PRCD: variants seen among roughly 807,000 people sequenced by gnomAD.
PRCD encodes the protein photoreceptor disc component, also known as photoreceptor disk component PRCD.
A neutral mutation model predicts 10.1 loss-of-function variants in PRCD; 12 were observed. The observed-to-expected ratio is 1.18, with a 90% CI of 0.76 to 1.92. PRCD has a LOEUF of 1.92. PRCD is among the 40% of genes most tolerant of loss of function. PRCD has a pLI of 0.00. For missense variants in PRCD, 61 were observed against 72.2 expected (o/e 0.84, Z 0.56); for synonymous variants, 31 against 26.2 (o/e 1.18, Z -0.56).
rs1190150343 is a variant in PRCD, at chr17:76,531,167, A to G, written n.45+3334A>G. ...TCTGGGGGCAAAGGGAGGAAGGGGG[A>G]GTGAACGCCCGGGCGCCCTGCGTCC... On this transcript the variant is annotated intron_variant and non_coding_transcript_variant, in intron 1 of 4. Transcript: ENST00000397633. The surrounding 1 kb of genome is among the most constrained non-coding windows in gnomAD (Gnocchi z 7.4). 1.2e-6 allele frequency: 2 copies of G among 1,604,478 alleles called. No homozygotes were observed. Among genetic ancestry groups the G allele is most frequent in the Non-Finnish European group, 1.7e-6 (2 of 1,173,828 alleles).
chr17:76,541,472 A>C (rs961840278), intron 2 of PRCD, among the ~76,000 whole-genome samples: 1 of 152,158 alleles, frequency 6.6e-6, no homozygotes, highest in Non-Finnish European at 1.5e-5. Flanking sequence ...ACCTGCCAGC[A>C]ATGTGTCCCT....
At chr17:76,545,957 T>C (rs1598217123), downstream of PRCD, 1 of 157,962 alleles carries the variant, frequency 6.3e-6, no homozygotes, top group South Asian at 1.8e-4. Flanking sequence ...ATTGCTGGGG[T>C]GGGGAAGCCC....
At chr17:76,537,616 C>T (rs535258008), upstream of PRCD, 1,606 of 994,632 alleles carry the variant, frequency 1.6e-3, 23 homozygotes, top group African/African-American at 0.027. Context: ...GCGCGGGGCG[C>T]CGGGAGCCGG....
chr17:76,540,373 G>C lies in PRCD; in HGVS notation c.75-132G>C. ...CTTGAGAGAGCACAGTCTCAGAGCA[G>C]GGGGACTTAGAGCTTCAAAGGCTCT... On this transcript the variant is annotated intron_variant, in intron 1 of 4. Transcript: ENST00000592014. This position sits in a 1 kb window ranked among gnomAD's most constrained non-coding sequence, Gnocchi z 5.0. 7.7e-7 allele frequency: 1 copy of C among 1,294,470 alleles called. No homozygotes were observed. 80.2% of individuals were successfully genotyped at this position (1,294,470 alleles called of 1,614,324 possible). A position where few individuals can be genotyped will look rare whatever the true frequency, so the allele number is the denominator to read the frequency against.
At position 76,530,144 on chromosome 17, in the gene PRCD, G is replaced by GTT; in HGVS notation, n.45+2312_45+2313insTT. 12 of 950,200 alleles carry GTT rather than the reference G, an allele frequency of 1.3e-5. No homozygotes were observed. The highest frequency in any genetic ancestry group is 1.4e-5 in the Non-Finnish European group (11 of 797,706). The allele number at this position is 950,200 out of a possible 1,614,324, so 58.9% of individuals were successfully genotyped here. A position where few individuals can be genotyped will look rare whatever the true frequency, so the allele number is the denominator to read the frequency against. On this transcript the variant is annotated intron_variant and non_coding_transcript_variant, in intron 1 of 4. Transcript: ENST00000397633. This position sits in a 1 kb window ranked among gnomAD's most constrained non-coding sequence, Gnocchi z 6.1. Reference sequence around the variant, plus strand: ...ACGGGAATGTTTCTCTACCACGCGTGTCCCGGGCTGCTGGCTGACCTCTGC... The same window carrying GTT: ...ACGGGAATGTTTCTCTACCACGCGTGTTTCCCGGGCTGCTGGCTGACCTCTGC...
chr17:76,548,023 C>T (rs2075071909), downstream of PRCD, among the ~76,000 whole-genome samples: 1 of 151,964 alleles, frequency 6.6e-6, no homozygotes. Flanking sequence ...CACATGCATA[C>T]ACAGACATAC....
chr17:76,536,344 A>T (rs187628301), upstream of PRCD, among the ~76,000 whole-genome samples: 9 of 152,282 alleles, frequency 5.9e-5, no homozygotes, highest in East Asian at 1.4e-3. Flanking sequence ...GTAGTCAAGG[A>T]TGCACTAAAG....
At chr17:76,538,779 C>G (rs1171540170), upstream of PRCD, among the ~76,000 whole-genome samples, 1 of 152,242 alleles carries the variant, frequency 6.6e-6, no homozygotes, top group Admixed American at 6.5e-5. Context: ...CTGCTCAGTC[C>G]TGGGGACAGC....
Position 76,541,555 on chromosome 17 carries a change from G to A in PRCD, c.143+982G>A, listed in dbSNP as rs2074993871. On this transcript the variant is annotated intron_variant, in intron 2 of 4. Coordinates refer to ENST00000592014, the MANE Select transcript of PRCD (RefSeq NM_001077620.3). Reference sequence around the variant, plus strand: ...CCTGTCGTCTGAGTCCTGGGATTCTGAGTCCTGAGATTCTGATGATCAGAA... The same window carrying A: ...CCTGTCGTCTGAGTCCTGGGATTCTAAGTCCTGAGATTCTGATGATCAGAA... 3.9e-5 allele frequency among the ~76,000 whole-genome samples: 6 copies of A among 152,166 alleles called. No homozygotes were observed. In the South Asian group the frequency reaches 1.2e-3, roughly 32 times the overall value.
upstream of PRCD, chr17:76,527,681 G>A (rs368573867): frequency 4.1e-3 from 1,848 of 453,994 alleles, 24 homozygotes; most frequent in African/African-American, 0.034. Flanking sequence ...TGGTCCCGCC[G>A]ACCTGCTGCC....
chr17:76,547,324 G>A (rs1453661108), downstream of PRCD: 6 of 152,590 alleles, frequency 3.9e-5, no homozygotes, highest in Admixed American at 6.5e-5. Flanking sequence ...AGGGCCCTGG[G>A]GAGAGGACAG....
At chr17:76,552,341 C>G (rs951020264) in intron 1 of PRCD, 1 of 150,954 alleles carries the variant, frequency 6.6e-6, no homozygotes, top group Non-Finnish European at 1.5e-5. Flanking sequence ...ACTACAGGCA[C>G]CCGCCACCAC....
downstream of PRCD, among the ~76,000 whole-genome samples, chr17:76,549,463 G>T (rs2075086643): frequency 6.6e-6 from 1 of 152,244 alleles, no homozygotes; most frequent in African/African-American, 2.4e-5. Flanking sequence ...AGTGGTTACA[G>T]CTGAAGGCCG....
chr17:76,550,381 C>G (rs547835572), intron 1 of PRCD: 2 of 152,156 alleles, frequency 1.3e-5, no homozygotes, highest in Admixed American at 6.5e-5. Flanking sequence ...CTGCCTCAGC[C>G]TCCTGAGTAG....
At position 76,528,286 on chromosome 17, in the gene PRCD, T is replaced by G. The variant is rs2074790482; in HGVS notation, n.45+453T>G. ...ATTCCCTAAGGGACTCCTAGACCTG[T>G]CCCGCTTCCTGCCAGCCGCTCAGCT... On this transcript the variant is annotated intron_variant and non_coding_transcript_variant, in intron 1 of 4. Transcript: ENST00000397633. This position sits in a 1 kb window ranked among gnomAD's most constrained non-coding sequence, Gnocchi z 5.8. The G allele has an allele frequency of 5.0e-6, 2 of 400,154 alleles. No individual in the cohort carries two copies. Among genetic ancestry groups the G allele is most frequent in the Non-Finnish European group, 8.8e-6 (2 of 226,942 alleles). 24.8% of individuals were successfully genotyped at this position (400,154 alleles called of 1,614,324 possible).
At chr17:76,537,468 CT>C, upstream of PRCD, 1 of 1,596,904 alleles carries the variant, frequency 6.3e-7, no homozygotes, top group Non-Finnish European at 8.5e-7. Context: ...CCTGCACCGC[CT>C]TCCTCTCCGC....
rs1177295031 is a variant in PRCD at position 76,528,132 on chromosome 17, GTA to G, written n.45+309_45+310del. The G allele has an allele frequency of 2.7e-5, 9 of 333,634 alleles. No individual in the cohort carries two copies. Among genetic ancestry groups the G allele is most frequent in the African/African-American group, 1.3e-4 (6 of 46,634 alleles). 20.7% of individuals were successfully genotyped at this position (333,634 alleles called of 1,614,324 possible). A position where few individuals can be genotyped will look rare whatever the true frequency, so the allele number is the denominator to read the frequency against. On this transcript the variant is annotated intron_variant and non_coding_transcript_variant, in intron 1 of 4. Transcript: ENST00000397633. The surrounding 1 kb of genome is among the most constrained non-coding windows in gnomAD (Gnocchi z 5.8). ...GATATGTATGTGTGTATATATATATGTATATATATATTTATATATAGCTCGTA... is the reference window on the plus strand; with the variant it reads ...GATATGTATGTGTGTATATATATATGTATATATATTTATATATAGCTCGTA...
At chr17:76,539,934 G>A (rs573314341), upstream of PRCD, 129 of 607,970 alleles carry the variant, frequency 2.1e-4, no homozygotes, top group African/African-American at 2.2e-3. Context: ...CCTACCGCTG[G>A]AGGGGAGAAC....
chr17:76,548,872 C>G (rs1055895749), downstream of PRCD, among the ~76,000 whole-genome samples: 4 of 152,140 alleles, frequency 2.6e-5, no homozygotes, highest in Admixed American at 6.5e-5. Flanking sequence ...GGACAGTGAC[C>G]CCATGACTGC....
Sources: allele counts gnomAD v4.1 joint callset (sites outside exome capture counted in the v4.1 genomes callset), GRCh38; gene constraint gnomAD v4.1.1; non-coding constraint Gnocchi (gnomAD v3.1); transcripts MANE v1.5; gene names NCBI Gene and HGNC (gene_info 2026-07-23, HGNC 2026-07-21).